Variants in MMP26 observed in about 807,000 individuals in gnomAD.
MMP26 encodes matrix metalloproteinase-26.
In MMP26, 33 loss-of-function variants were observed where a neutral mutation model predicts 31.0. The observed-to-expected ratio is 1.06, with a 90% CI of 0.81 to 1.42. MMP26 has a LOEUF of 1.42. Ranked by LOEUF, MMP26 falls within the 40% of genes most tolerant of loss-of-function variation. MMP26 has a pLI of 0.00. For missense variants in MMP26, 347 were observed against 316.1 expected (o/e 1.10, Z -0.74); for synonymous variants, 122 against 114.9 (o/e 1.06, Z -0.40).
At chr11:4,958,540 A>G (rs186607158) in intron 2 of MMP26, among the ~76,000 whole-genome samples, 3 of 146,024 alleles carry the variant, frequency 2.1e-5, no homozygotes, top group Non-Finnish European at 3.1e-5. Context: ...CTATCTGTCT[A>G]TCTATCTATC....
rs151110220 is a variant in MMP26 at position 4,908,058 on chromosome 11, T to C, written c.-144-80010T>C. 1.9e-6 allele frequency: 3 copies of C among 1,614,192 alleles called. No individual in the cohort carries two copies. The African/African-American group carries it at 4.0e-5, about 22-fold the overall frequency. On this transcript the variant is annotated intron_variant, in intron 2 of 7. Transcript: ENST00000380390. ...AAGACTATACTCAGCATTGCATCTT[T>C]GGCAGAGAGGCTTAAGGCCCTAAAT...
chr11:4,925,820 T>C (rs892779782), intron 2 of MMP26, among the ~76,000 whole-genome samples: 1 of 152,082 alleles, frequency 6.6e-6, no homozygotes, highest in Non-Finnish European at 1.5e-5. Context: ...TGTTTGTTTG[T>C]TTTTTAGACA....
intron 2 of MMP26, among the ~76,000 whole-genome samples, chr11:4,926,169 T>C (rs888409285): frequency 2.6e-5 from 4 of 151,662 alleles, no homozygotes; most frequent in African/African-American, 9.7e-5. Context: ...AATAAAATAA[T>C]AACAATTTAA....
At chr11:4,719,468 C>T (rs1222092623) in intron 1 of MMP26, 3 of 153,868 alleles carry the variant, frequency 1.9e-5, no homozygotes, top group South Asian at 2.0e-4. Flanking sequence ...CTACTAATCC[C>T]TCCTGTAATG....
intron 2 of MMP26, among the ~76,000 whole-genome samples, chr11:4,850,110 A>G (rs1849954857): frequency 6.6e-6 from 1 of 152,116 alleles, no homozygotes; most frequent in South Asian, 2.1e-4. Flanking sequence ...GTATGTTTAT[A>G]TTTTTGAGAT....
At chr11:4,769,596 C>T (rs1564905395) in intron 2 of MMP26, 2 of 1,613,164 alleles carry the variant, frequency 1.2e-6, no homozygotes, top group Admixed American at 1.7e-5. Context: ...AAAGTGAATC[C>T]ATGAAGAAAA....
At chr11:4,980,144 A>G (rs1376413827) in intron 2 of MMP26, among the ~76,000 whole-genome samples, 1 of 152,128 alleles carries the variant, frequency 6.6e-6, no homozygotes, top group East Asian at 1.9e-4. Flanking sequence ...TTCCAGCTCC[A>G]TTACCTGGCT....
chr11:4,854,713 A>G (rs942907384), intron 2 of MMP26, among the ~76,000 whole-genome samples: 4 of 152,216 alleles, frequency 2.6e-5, no homozygotes, highest in Admixed American at 6.5e-5. Flanking sequence ...TGAAGAGAGT[A>G]GTGGTTATCC....
intron 2 of MMP26, chr11:4,937,384 A>T (rs187578778): frequency 1.3e-5 from 2 of 152,156 alleles, no homozygotes; most frequent in South Asian, 2.1e-4. Flanking sequence ...TTTCCCCACA[A>T]CCTTTTCTCG....
In MMP26 at chr11:4,968,992, T is replaced by C. The variant is rs1203073009; in HGVS notation, c.-144-19076T>C. On this transcript the variant is annotated intron_variant, in intron 2 of 7. Transcript: ENST00000380390. ...TTTCTTCTTGAAAACACACTGGACT[T>C]TCCTTAAATGTTTTTTAAACAGAGT... Among the ~76,000 whole-genome samples the C allele has an allele frequency of 1.2e-4, 18 of 152,012 alleles. 1 individual carries two copies. The highest frequency in any genetic ancestry group is 9.2e-4 in the Admixed American group (14 of 15,260).
chr11:4,821,980 A>C, intron 2 of MMP26: 5 of 1,614,062 alleles, frequency 3.1e-6, no homozygotes, highest in Middle Eastern at 1.6e-4. Flanking sequence ...TGTTGATCTC[A>C]TCCAACTCTC....
intron 1 of MMP26, among the ~76,000 whole-genome samples, chr11:4,751,121 A>T (rs1848442123): frequency 1.3e-5 from 2 of 152,130 alleles, no homozygotes; most frequent in Admixed American, 1.3e-4. Context: ...CAAGTATTGA[A>T]TCAAGGGAGT....
At chr11:4,710,844 A>G (rs1847853764) in intron 1 of MMP26, 1 of 170,718 alleles carries the variant, frequency 5.9e-6, no homozygotes, top group South Asian at 1.5e-4. Flanking sequence ...TCCAAAGTAG[A>G]TCTCATGTAA....
At chr11:4,829,634 T>G (rs1341651656) in intron 2 of MMP26, among the ~76,000 whole-genome samples, 2 of 152,132 alleles carry the variant, frequency 1.3e-5, no homozygotes, top group African/African-American at 2.4e-5. Context: ...TAAGTGCCTT[T>G]GAGGACCAAT....
At chr11:4,906,635 T>C (rs1374154284) in intron 2 of MMP26, among the ~76,000 whole-genome samples, 2 of 152,218 alleles carry the variant, frequency 1.3e-5, no homozygotes, top group Non-Finnish European at 2.9e-5. Flanking sequence ...TCTTAGACTA[T>C]TTCTTTCAAA....
intron 1 of MMP26, among the ~76,000 whole-genome samples, chr11:4,706,361 A>G (rs918295069): frequency 1.3e-5 from 2 of 151,982 alleles, no homozygotes; most frequent in African/African-American, 2.4e-5. Flanking sequence ...ATAGTTCAAG[A>G]CCAGCCTGGG....
intron 2 of MMP26, among the ~76,000 whole-genome samples, chr11:4,936,893 A>G (rs1044087541): frequency 6.6e-6 from 1 of 152,170 alleles, no homozygotes; most frequent in African/African-American, 2.4e-5. Flanking sequence ...CAGTTAATAT[A>G]CATATTTTAA....
At chr11:4,792,404 A>T in intron 2 of MMP26, among the ~76,000 whole-genome samples, 1 of 152,098 alleles carries the variant, frequency 6.6e-6, no homozygotes, top group East Asian at 1.9e-4. Flanking sequence ...CCTTAGCAAC[A>T]TATTTAGGGA....
At chr11:4,898,274 C>CA (rs1850743348) in intron 2 of MMP26, among the ~76,000 whole-genome samples, 1 of 152,106 alleles carries the variant, frequency 6.6e-6, no homozygotes, top group South Asian at 2.1e-4. Context: ...TTTCATGAGA[C>CA]ATTGGCTGTC....
Sources: gnomAD v4.1 joint callset for allele counts (sites outside exome capture counted in the v4.1 genomes callset) on GRCh38, gnomAD v4.1.1 for gene constraint, MANE v1.5 for transcripts, NCBI Gene and HGNC (gene_info 2026-07-23, HGNC 2026-07-21) for gene names.